LIMCH1: variants seen among roughly 807,000 people sequenced by gnomAD.
LIMCH1 encodes LIM and calponin homology domains 1.
Under a neutral mutation model 176.5 loss-of-function variants are expected in LIMCH1, and 113 were observed. That is an observed-to-expected ratio of 0.64 (90% confidence interval 0.55 to 0.75). The LOEUF is 0.75. Among genes scored for constraint, LIMCH1 ranks in the 30% least tolerant of loss-of-function variants. LIMCH1 has a pLI of 0.00. For synonymous variants in LIMCH1, 619 were observed against 645.9 expected (o/e 0.96, Z 0.63); for missense variants, 1,674 against 1,814.9 (o/e 0.92, Z 1.41).
intron 17 of LIMCH1, among the ~76,000 whole-genome samples, chr4:41,647,709 G>C (rs2094123899): frequency 6.6e-6 from 1 of 152,256 alleles, no homozygotes; most frequent in Admixed American, 6.5e-5. Context: ...AGATAGAAAA[G>C]TTTTCGTAAC....
At chr4:41,640,112 T>A (rs552714503) in intron 14 of LIMCH1, among the ~76,000 whole-genome samples, 1 of 152,322 alleles carries the variant, frequency 6.6e-6, no homozygotes, top group South Asian at 2.1e-4. Context: ...CCATGTGTGA[T>A]CTGACATAAA....
At chr4:41,600,996 T>G (rs1015501200) in intron 2 of LIMCH1, among the ~76,000 whole-genome samples, 14 of 152,190 alleles carry the variant, frequency 9.2e-5, no homozygotes, top group African/African-American at 3.4e-4. Flanking sequence ...TTTCCATCTA[T>G]CTCTCCTTTT....
chr4:41,380,301 C>CTACTT (rs2055455312), intron 1 of LIMCH1, among the ~76,000 whole-genome samples: 1 of 151,814 alleles, frequency 6.6e-6, no homozygotes, highest in Admixed American at 6.6e-5. Flanking sequence ...GATTTGATAT[C>CTACTT]TTCTTTTCTT....
In LIMCH1 at chr4:41,682,675, C is replaced by CTT. The variant is rs200784058; in HGVS notation, c.3845+216_3845+217dup. Among the ~76,000 whole-genome samples the CTT allele has an allele frequency of 4.6e-4, 65 of 142,400 alleles. 1 individual carries two copies. Among genetic ancestry groups the CTT allele is most frequent in the Non-Finnish European group, 5.2e-4 (34 of 65,326 alleles). 93.4% of individuals were successfully genotyped at this position (142,400 alleles called of 152,430 possible). On this transcript the variant is annotated intron_variant, in intron 26 of 31. Coordinates refer to ENST00000503057, the MANE Select transcript of LIMCH1 (RefSeq NM_001330672.2). ...AAATAGCCTTATTTTTTTTCTTCTT[C>CTT]TTCTTTTTTTTTTTTTTGCTTGAGA... is the stretch of plus-strand genomic sequence containing the variant.
At chr4:41,656,801 G>A (rs1232726998) in intron 18 of LIMCH1, among the ~76,000 whole-genome samples, 3 of 152,174 alleles carry the variant, frequency 2.0e-5, no homozygotes, top group African/African-American at 7.2e-5. Flanking sequence ...AAAGGACGTT[G>A]GACATCACTT....
rs746809810 is a variant in LIMCH1, at chr4:41,661,493, T to C, written c.3110T>C (p.Ile1037Thr). 4 of 1,610,542 alleles carry C rather than the reference T, an allele frequency of 2.5e-6. No homozygotes were observed. In the South Asian group the frequency reaches 3.3e-5, roughly 13 times the overall value. Residue 1037 changes from isoleucine to threonine, a missense_variant, in exon 19 of 32, where the codon ATA (isoleucine) becomes ACA (threonine). Coordinates refer to ENST00000503057, the MANE Select transcript of LIMCH1 (RefSeq NM_001330672.2). ...NDGGKSRKGN[I>T]ELASSEPQHF... is the part of the protein sequence containing the mutation. ...GGTGGAAAATCAAGAAAAGGGAATA[T>C]AGAACTTGCCTCATCAGGTTTGTTT...
In LIMCH1 at chr4:41,646,206, G is replaced by C. The variant is rs1327301417; in HGVS notation, c.2337G>C (p.Lys779Asn). 2.5e-6 allele frequency: 4 copies of C among 1,613,954 alleles called. No homozygotes were observed. The highest frequency in any genetic ancestry group is 3.4e-6 in the Non-Finnish European group (4 of 1,179,992). ...KKEEERKKMEKLLAGEDGTSE... is the reference protein window; with the variant it reads ...KKEEERKKMENLLAGEDGTSE... ...AGGAAGAAAGGAAAAAAATGGAGAAGTTACTGGCTGGAGAAGATGGGACAA... is the reference window on the plus strand; with the variant it reads ...AGGAAGAAAGGAAAAAAATGGAGAACTTACTGGCTGGAGAAGATGGGACAA... Residue 779 changes from lysine to asparagine, a missense_variant, in exon 16 of 32, where the codon AAG becomes AAC. This residue lies in a region of LIMCH1 where 1,015 missense variants were observed against 1,102.5 expected (regional missense o/e 0.92). Coordinates refer to ENST00000503057, the MANE Select transcript of LIMCH1 (RefSeq NM_001330672.2).
chr4:41,628,069 T>C (rs560334571), intron 8 of LIMCH1, among the ~76,000 whole-genome samples: 1 of 152,304 alleles, frequency 6.6e-6, no homozygotes, highest in East Asian at 1.9e-4. Flanking sequence ...CATCATTTCT[T>C]TACAGGACAC....
At chr4:41,360,615 C>T (rs1441621807), upstream of LIMCH1, 1 of 274,732 alleles carries the variant, frequency 3.6e-6, no homozygotes, top group African/African-American at 2.2e-5. The surrounding 1 kb of genome is among the most constrained non-coding windows in gnomAD (Gnocchi z 4.5). Flanking sequence ...TCCGCGCTCG[C>T]TCCCGCGGGT....
intron 2 of LIMCH1, among the ~76,000 whole-genome samples, chr4:41,496,696 G>A (rs1306071362): frequency 2.2e-4 from 33 of 152,190 alleles, no homozygotes; most frequent in Admixed American, 2.2e-3. Context: ...ATTAGCAGGT[G>A]TATTTTCTGG....
At chr4:41,638,793 A>G in intron 13 of LIMCH1, 139 bp from the exon 14 acceptor site, 1 of 758,220 alleles carries the variant, frequency 1.3e-6, no homozygotes, top group South Asian at 1.5e-5. Flanking sequence ...TGCTAATTGT[A>G]TAATGCCATT....
intron 1 of LIMCH1, among the ~76,000 whole-genome samples, chr4:41,546,912 C>T (rs962211665): frequency 6.6e-6 from 1 of 152,080 alleles, no homozygotes; most frequent in African/African-American, 2.4e-5. Flanking sequence ...ACAGAGAGAG[C>T]TAGTTCCCTG....
At chr4:41,567,596 TCCCTAGGAAAA>T (rs1378312014) in intron 1 of LIMCH1, among the ~76,000 whole-genome samples, 1 of 152,158 alleles carries the variant, frequency 6.6e-6, no homozygotes, top group Non-Finnish European at 1.5e-5. Flanking sequence ...TCTCCTTTAT[TCCCTAGGAAAA>T]CCTGGTAGGT....
At position 41,681,190 on chromosome 4, in the gene LIMCH1, C is replaced by CA. The variant is rs1308654189; in HGVS notation, c.3717+132dup. On this transcript the variant is annotated intron_variant, in intron 25 of 31. Transcript: ENST00000503057. ...ACTAGCTATTCCCCTAGAATCACGT[C>CA]AGCTACTGTGTGGCCATTGTACCCC... The CA allele has an allele frequency of 7.3e-6, 4 of 548,008 alleles. No homozygotes were observed. In the African/African-American group the frequency reaches 7.5e-5, roughly 10 times the overall value. The allele number at this position is 548,008 out of a possible 1,614,324, so 33.9% of individuals were successfully genotyped here.
In LIMCH1 at chr4:41,510,360, GT is replaced by G. The variant is rs1358396742; in HGVS notation, c.168-14047del. ...GCCTAGCCCATTGCCTGCCTGTGGGGTTACATGCTGGATTAGGCTTTGCTTA... is the reference window on the plus strand; with the variant it reads ...GCCTAGCCCATTGCCTGCCTGTGGGGTACATGCTGGATTAGGCTTTGCTTA... On this transcript the variant is annotated intron_variant, in intron 2 of 26. Coordinates refer to the LIMCH1 transcript ENST00000313860. Among the ~76,000 whole-genome samples the G allele has an allele frequency of 5.9e-5, 9 of 152,302 alleles. No individual in the cohort carries two copies. The East Asian group carries it at 1.4e-3, about 23-fold the overall frequency.
intron 14 of LIMCH1, among the ~76,000 whole-genome samples, chr4:41,644,174 G>A (rs1167455910): frequency 1.3e-5 from 2 of 152,206 alleles, no homozygotes; most frequent in Admixed American, 1.3e-4. Flanking sequence ...AGAGGAGCCT[G>A]GGGCTTCAAA....
intron 20 of LIMCH1, among the ~76,000 whole-genome samples, chr4:41,666,031 T>C (rs7693377): frequency 0.59 from 89,352 of 152,124 alleles, 27,330 homozygotes; most frequent in African/African-American, 0.71. Flanking sequence ...TATAATAATG[T>C]TTCTTTGTCA....
intron 2 of LIMCH1, among the ~76,000 whole-genome samples, chr4:41,518,446 C>A (rs1489058572): frequency 2.0e-5 from 3 of 152,078 alleles, no homozygotes; most frequent in African/African-American, 7.3e-5. Flanking sequence ...ATTTCATAAT[C>A]ATTAAATGAT....
At chr4:41,637,715 A>T (rs945772908) in intron 13 of LIMCH1, among the ~76,000 whole-genome samples, 1 of 152,158 alleles carries the variant, frequency 6.6e-6, no homozygotes, top group Non-Finnish European at 1.5e-5. Context: ...GGTTGCCTTC[A>T]CTGTGAATTA....
Sources: gnomAD v4.1 joint callset for allele counts (sites outside exome capture counted in the v4.1 genomes callset) on GRCh38, gnomAD v4.1.1 for gene constraint, gnomAD v4.1.1 regional missense constraint, Gnocchi (gnomAD v3.1) non-coding constraint, MANE v1.5 for transcripts, NCBI Gene and HGNC (gene_info 2026-07-23, HGNC 2026-07-21) for gene names.